DOCK1: variants seen among roughly 807,000 people sequenced by gnomAD.
DOCK1 encodes dedicator of cytokinesis protein 1.
DOCK1 carries 138 observed loss-of-function variants against 262.7 expected under a neutral mutation model. That is an observed-to-expected ratio of 0.53 (90% CI 0.46 to 0.61). The LOEUF (loss-of-function observed/expected upper bound fraction) is 0.61, where lower values mean the gene tolerates loss of function less well. DOCK1 is among the 20% of genes least tolerant of loss of function. DOCK1 has a pLI of 0.00. For missense variants in DOCK1, 1,908 were observed against 2,370.7 expected (o/e 0.80, Z 4.05); for synonymous variants, 866 against 867.4 (o/e 1.00, Z 0.03).
At position 127,034,850 on chromosome 10, in the gene DOCK1, C is replaced by T. The variant is rs189267250; in HGVS notation, c.1912+2530C>T. Among the ~76,000 whole-genome samples, 15 of 135,686 alleles carry T rather than the reference C, an allele frequency of 1.1e-4. No homozygotes were observed. The Admixed American group carries it at 1.2e-3, about 10-fold the overall frequency. 89.0% of individuals were successfully genotyped at this position (135,686 alleles called of 152,430 possible). A position where few individuals can be genotyped will look rare whatever the true frequency, so the allele number is the denominator to read the frequency against. Reference sequence around the variant, plus strand: ...CCCATCCACAGAATCCTTCTTAACCCTTATGACCCTGGAGAAAGGGGACTG... The same window carrying T: ...CCCATCCACAGAATCCTTCTTAACCTTTATGACCCTGGAGAAAGGGGACTG... On this transcript the variant is annotated intron_variant, in intron 18 of 51. Coordinates refer to ENST00000623213, the MANE Select transcript of DOCK1 (RefSeq NM_001290223.2).
intron 27 of DOCK1, chr10:127,146,241 T>G (rs1034396105): frequency 4.4e-6 from 1 of 226,098 alleles, no homozygotes; most frequent in Non-Finnish European, 8.9e-6. Flanking sequence ...ATAATTAGCC[T>G]TTCTCTGCTA....
intron 33 of DOCK1, among the ~76,000 whole-genome samples, chr10:127,367,007 G>A (rs2064954843): frequency 6.6e-6 from 1 of 152,176 alleles, no homozygotes; most frequent in African/African-American, 2.4e-5. Flanking sequence ...ATATGCTACT[G>A]TTTATGGAAT....
At chr10:127,067,392 G>A (rs1317331939) in intron 23 of DOCK1, among the ~76,000 whole-genome samples, 5 of 152,138 alleles carry the variant, frequency 3.3e-5, no homozygotes, top group African/African-American at 1.2e-4. Flanking sequence ...CAGGACCTTG[G>A]CATAGTCTGT....
intron 3 of DOCK1, among the ~76,000 whole-genome samples, chr10:126,979,324 C>T (rs150880238): frequency 6.6e-6 from 1 of 152,168 alleles, no homozygotes; most frequent in Non-Finnish European, 1.5e-5. Context: ...AGATTGAGAC[C>T]AGCCTCTGCT....
intron 29 of DOCK1, among the ~76,000 whole-genome samples, chr10:127,282,021 A>G (rs2060978502): frequency 1.3e-5 from 2 of 152,226 alleles, no homozygotes; most frequent in African/African-American, 2.4e-5. Flanking sequence ...TGGTAAACTA[A>G]TAAAAAGATC....
At chr10:127,039,781 T>C (rs1032502615) in intron 19 of DOCK1, among the ~76,000 whole-genome samples, 2 of 152,192 alleles carry the variant, frequency 1.3e-5, no homozygotes, top group African/African-American at 4.8e-5. Flanking sequence ...CTTCTGAGTA[T>C]TGATGACTGA....
intron 1 of DOCK1, among the ~76,000 whole-genome samples, chr10:126,942,719 C>T (rs1167771265): frequency 6.6e-6 from 1 of 152,210 alleles, no homozygotes; most frequent in African/African-American, 2.4e-5. Context: ...TACACAAATT[C>T]ATTAAAAGAT....
intron 33 of DOCK1, among the ~76,000 whole-genome samples, chr10:127,362,983 A>G (rs2064648839): frequency 8.6e-6 from 1 of 116,674 alleles, no homozygotes. Flanking sequence ...ATACACATAC[A>G]CATCCCCCCC....
intron 46 of DOCK1, 82 bp from the exon 47 acceptor site, chr10:127,425,792 A>C (rs2068774635): frequency 6.4e-7 from 1 of 1,566,746 alleles, no homozygotes; most frequent in Non-Finnish European, 8.7e-7. Context: ...TCGTTTTGCC[A>C]GTTCCCCTTT....
intron 29 of DOCK1, among the ~76,000 whole-genome samples, chr10:127,259,245 A>G (rs1008406426): frequency 2.6e-5 from 4 of 152,084 alleles, no homozygotes; most frequent in African/African-American, 4.8e-5. Context: ...GGTGACTTTA[A>G]ATTATTCCTG....
At chr10:127,272,282 G>C (rs193114141) in intron 29 of DOCK1, 2 of 152,200 alleles carry the variant, frequency 1.3e-5, no homozygotes, top group African/African-American at 4.8e-5. Flanking sequence ...TTTCAGTTCA[G>C]TGGATTCTAA....
At position 127,176,148 on chromosome 10, in the gene DOCK1, G is replaced by A. The variant is rs745480635; in HGVS notation, c.2847+48384G>A. On this transcript the variant is annotated intron_variant, in intron 27 of 51. Transcript: ENST00000623213. This position sits in a 1 kb window ranked among gnomAD's most constrained non-coding sequence, Gnocchi z 4.4. The stretch of plus-strand genomic sequence containing the variant: ...GGGCACTGTCATGTATTTGCGGTAG[G>A]CTGCTCTGCAGGACACGGGCTTGGC... 2.5e-6 allele frequency: 4 copies of A among 1,614,100 alleles called. No individual in the cohort carries two copies. Among genetic ancestry groups the A allele is most frequent in the Non-Finnish European group, 3.4e-6 (4 of 1,180,030 alleles).
intron 27 of DOCK1, among the ~76,000 whole-genome samples, chr10:127,162,136 A>G (rs1445617332): frequency 6.6e-6 from 1 of 152,182 alleles, no homozygotes; most frequent in African/African-American, 2.4e-5. Flanking sequence ...CTGCAGATAT[A>G]TGTCAGGTGG....
intron 29 of DOCK1, chr10:127,272,245 A>G (rs2060595393): frequency 6.6e-6 from 1 of 152,254 alleles, no homozygotes; most frequent in Non-Finnish European, 1.5e-5. Context: ...TGATTTAGGA[A>G]GAAAATGAAC....
intron 44 of DOCK1, among the ~76,000 whole-genome samples, chr10:127,417,701 G>A (rs571253011): frequency 2.6e-5 from 4 of 152,178 alleles, no homozygotes; most frequent in East Asian, 1.9e-4. Context: ...TTAGCCTCCC[G>A]AGTAGCTGGG....
In DOCK1 at chr10:127,175,682, C is replaced by T; in HGVS notation, c.2847+47918C>T. The T allele has an allele frequency of 6.2e-7, 1 of 1,613,800 alleles. No homozygotes were observed. Among genetic ancestry groups the T allele is most frequent in the African/African-American group, 1.3e-5 (1 of 75,034 alleles). ...TCCTGAGGGCAGGTGGAGCGGGCTC[C>T]TCGGAGTTTGGCCTCCCCCGGTCCT... On this transcript the variant is annotated intron_variant, in intron 27 of 51. Coordinates refer to ENST00000623213, the MANE Select transcript of DOCK1 (RefSeq NM_001290223.2). The surrounding 1 kb of genome is among the most constrained non-coding windows in gnomAD (Gnocchi z 6.3).
At chr10:127,026,869 T>C (rs376862572) in intron 16 of DOCK1, among the ~76,000 whole-genome samples, 1 of 152,256 alleles carries the variant, frequency 6.6e-6, no homozygotes, top group African/African-American at 2.4e-5. Flanking sequence ...TTGTGAATAC[T>C]GACCATGGTG....
intron 38 of DOCK1, among the ~76,000 whole-genome samples, chr10:127,401,629 A>G (rs924372754): frequency 2.0e-5 from 3 of 152,284 alleles, no homozygotes; most frequent in African/African-American, 7.2e-5. Context: ...CTGAGATCTT[A>G]TCAGGAAGCT....
At chr10:127,448,901 G>A (rs943703240) in intron 51 of DOCK1, among the ~76,000 whole-genome samples, 1 of 151,628 alleles carries the variant, frequency 6.6e-6, no homozygotes, top group African/African-American at 2.4e-5. Flanking sequence ...TGTTCCACAA[G>A]GTCATTACAT....
Sources: gnomAD v4.1 joint callset for allele counts (sites outside exome capture counted in the v4.1 genomes callset) on GRCh38, gnomAD v4.1.1 for gene constraint, Gnocchi (gnomAD v3.1) non-coding constraint, MANE v1.5 for transcripts, NCBI Gene and HGNC (gene_info 2026-07-23, HGNC 2026-07-21) for gene names.